The following RAF1 variants were observed in gnomAD, a reference collection of about 807,000 sequenced individuals.
RAF1 encodes Raf-1 proto-oncogene, serine/threonine kinase.
In RAF1, 27 loss-of-function variants were observed where a neutral mutation model predicts 81.1. That is an observed-to-expected ratio of 0.33 (90% CI 0.25 to 0.46). RAF1 has a LOEUF of 0.46. Among genes scored for constraint, RAF1 ranks in the 20% least tolerant of loss-of-function variants. The pLI is 1.00. For synonymous variants in RAF1, 298 were observed against 294.0 expected (o/e 1.01, Z -0.14); for missense variants, 598 against 826.0 (o/e 0.72, Z 3.38).
chr3:12,637,780 G>A (rs909328055), intron 1 of RAF1, among the ~76,000 whole-genome samples: 1 of 152,100 alleles, frequency 6.6e-6, no homozygotes, highest in Non-Finnish European at 1.5e-5. Flanking sequence ...TTGAACCCGA[G>A]AGGCAGAGGT....
rs1464808782 is a variant in RAF1, at chr3:12,584,260, G to A, written c.*254C>T. ...AACATCCACTTGCGCATCTACAGAA[G>A]GCTGGGCCTTGAGCATGGGGAATGT... On this transcript the variant is annotated 3_prime_UTR_variant, in exon 18 of 18. Transcript: ENST00000442415. 2 of 538,958 alleles carry A rather than the reference G, an allele frequency of 3.7e-6. No individual in the cohort carries two copies. The highest frequency in any genetic ancestry group is 3.8e-5 in the African/African-American group (2 of 52,934). 33.4% of individuals were successfully genotyped at this position (538,958 alleles called of 1,614,324 possible). A position where few individuals can be genotyped will look rare whatever the true frequency, so the allele number is the denominator to read the frequency against.
chr3:12,624,532 A>G (rs1375718170), intron 1 of RAF1, among the ~76,000 whole-genome samples: 1 of 152,232 alleles, frequency 6.6e-6, no homozygotes, highest in Admixed American at 6.5e-5. Context: ...AAATGTATAT[A>G]CAGACACACA....
At chr3:12,658,598 G>A (rs965004901) in intron 1 of RAF1, among the ~76,000 whole-genome samples, 6 of 151,860 alleles carry the variant, frequency 4.0e-5, no homozygotes, top group African/African-American at 1.2e-4. Flanking sequence ...ACGAAACTCC[G>A]TCTCAAAAAA....
intron 3 of RAF1, 143 bp downstream of exon 3, chr3:12,611,807 T>C (rs149245373): frequency 8.6e-5 from 60 of 701,538 alleles, no homozygotes; most frequent in Middle Eastern, 3.6e-4. Context: ...ATACCTATTT[T>C]TCTGAATTAT....
At chr3:12,655,128 T>G (rs866523419) in intron 1 of RAF1, among the ~76,000 whole-genome samples, 33 of 152,320 alleles carry the variant, frequency 2.2e-4, no homozygotes, top group African/African-American at 7.7e-4. Context: ...GTCTCACTCT[T>G]GTGGAGTGCA....
At chr3:12,656,220 G>A (rs563380806) in intron 1 of RAF1, among the ~76,000 whole-genome samples, 1 of 151,318 alleles carries the variant, frequency 6.6e-6, no homozygotes, top group Admixed American at 6.6e-5. Context: ...AAAAATGGTA[G>A]AAGATTATCA....
chr3:12,656,094 A>G (rs2060683529), intron 1 of RAF1, among the ~76,000 whole-genome samples: 1 of 144,908 alleles, frequency 6.9e-6, no homozygotes, highest in Non-Finnish European at 1.5e-5. Context: ...TCCAACTTAC[A>G]TAAGACAGCC....
At chr3:12,640,398 C>G (rs548725519) in intron 1 of RAF1, among the ~76,000 whole-genome samples, 1 of 152,110 alleles carries the variant, frequency 6.6e-6, no homozygotes, top group Non-Finnish European at 1.5e-5. Flanking sequence ...AGCTTCTGCA[C>G]AGCAAAAGAA....
intron 1 of RAF1, among the ~76,000 whole-genome samples, chr3:12,653,851 C>T (rs2060606112): frequency 1.3e-5 from 2 of 152,128 alleles, no homozygotes; most frequent in African/African-American, 2.4e-5. Context: ...ACTAGTGATG[C>T]TGGAAGCGCT....
At chr3:12,659,427 C>CAAGAAAAAAAAAAAAA (rs2060805261) in intron 1 of RAF1, among the ~76,000 whole-genome samples, 1 of 47,682 alleles carries the variant, frequency 2.1e-5, no homozygotes, top group African/African-American at 9.0e-5. Flanking sequence ...GATTTCATCT[C>CAAGAAAAAAAAAAAAA]AAAAAAAAAA....
intron 1 of RAF1, among the ~76,000 whole-genome samples, chr3:12,651,653 CA>C (rs58108878): frequency 1.4e-3 from 169 of 120,884 alleles, no homozygotes; most frequent in Non-Finnish European, 1.1e-3. Flanking sequence ...GACTTGGTCT[CA>C]AAAAAAAAAA....
At chr3:12,632,138 C>CAA (rs34692250) in intron 1 of RAF1, among the ~76,000 whole-genome samples, 128,307 of 151,842 alleles carry the variant, frequency 0.85, 54,664 homozygotes, top group African/African-American at 0.95. Context: ...CCAGCCTGGC[C>CAA]CATGGTGAAA....
intron 4 of RAF1, 30 bp downstream of exon 4, chr3:12,609,203 T>G (rs1397263310): frequency 6.6e-7 from 1 of 1,518,526 alleles, no homozygotes; most frequent in South Asian, 1.1e-5. Flanking sequence ...GCCCTCAACA[T>G]GCCAGAAAGA....
intron 3 of RAF1, 38 bp from the exon 4 acceptor site, chr3:12,609,373 A>C: frequency 7.3e-7 from 1 of 1,376,882 alleles, no homozygotes; most frequent in Non-Finnish European, 1.0e-6. Context: ...ATGTTTAAAC[A>C]AGATCAAAGT....
chr3:12,609,409 T>C, intron 3 of RAF1, 74 bp from the exon 4 acceptor site: 1 of 944,112 alleles, frequency 1.1e-6, no homozygotes, highest in Middle Eastern at 2.3e-4. Context: ...ACAGCTACCA[T>C]TTATCACATG....
At chr3:12,595,583 A>T (rs1190358915) in intron 11 of RAF1, among the ~76,000 whole-genome samples, 1 of 151,580 alleles carries the variant, frequency 6.6e-6, no homozygotes, top group African/African-American at 2.4e-5. Context: ...TATACCTCTC[A>T]CTCACTCTAA....
At chr3:12,594,889 G>A (rs2058637405) in intron 11 of RAF1, among the ~76,000 whole-genome samples, 1 of 152,208 alleles carries the variant, frequency 6.6e-6, no homozygotes, top group South Asian at 2.1e-4. Flanking sequence ...ACACAGTTAT[G>A]GTAACAGATT....
At chr3:12,596,717 A>G (rs954762662) in intron 11 of RAF1, among the ~76,000 whole-genome samples, 1 of 152,348 alleles carries the variant, frequency 6.6e-6, no homozygotes, top group African/African-American at 2.4e-5. Context: ...GATATACTGT[A>G]TACAGGAACC....
At chr3:12,647,427 C>T (rs2060387268) in intron 1 of RAF1, among the ~76,000 whole-genome samples, 1 of 151,818 alleles carries the variant, frequency 6.6e-6, no homozygotes, top group Non-Finnish European at 1.5e-5. Context: ...ATGGAGAAAC[C>T]CCATCTCTAC....
Sources: allele counts gnomAD v4.1 joint callset (sites outside exome capture counted in the v4.1 genomes callset), GRCh38; gene constraint gnomAD v4.1.1; transcripts MANE v1.5; gene names NCBI Gene and HGNC (gene_info 2026-07-23, HGNC 2026-07-21).